The following MTMR14 variants were observed in gnomAD, a reference collection of about 807,000 sequenced individuals.
MTMR14 encodes the protein phosphatidylinositol-3,5-bisphosphate 3-phosphatase MTMR14.
MTMR14 carries 48 observed loss-of-function variants against 86.3 expected under a neutral mutation model. The observed-to-expected ratio is 0.56, with a 90% CI of 0.44 to 0.71. The LOEUF is 0.71. Among genes scored for constraint, MTMR14 ranks in the 30% least tolerant of loss-of-function variants. MTMR14 has a pLI of 0.00. For synonymous variants in MTMR14, 366 were observed against 326.1 expected, an observed-to-expected ratio of 1.12 and a Z score of -1.32; for missense variants, 780 against 834.6, an observed-to-expected ratio of 0.93 and a Z score of 0.81.
chr3:9,697,571 T>TA, intron 17 of MTMR14, 140 bp from the exon 18 acceptor site: 1 of 993,636 alleles, frequency 1.0e-6, no homozygotes, highest in East Asian at 2.4e-5. Flanking sequence ...TGTCCAGCTT[T>TA]TTTTTTTAGA....
In MTMR14 at chr3:9,688,994, G is replaced by C; in HGVS notation, c.1345G>C (p.Val449Leu). 1 of 1,613,982 alleles carries C rather than the reference G, an allele frequency of 6.2e-7. No individual in the cohort carries two copies. Among genetic ancestry groups the C allele is most frequent in the Non-Finnish European group, 8.5e-7 (1 of 1,180,024 alleles). The change falls in exon 16 of 19, where the codon GTC (valine) becomes CTC (leucine). Residue 449 changes from valine (V) to leucine (L), a missense_variant. Coordinates refer to ENST00000296003, the MANE Select transcript of MTMR14 (RefSeq NM_001077525.3). ...CAGCCTTGGCAGCGACTTCTCCCTGGTCATGGAGAGTTCCCCAGGAGCCAC... is the reference window on the plus strand; with the variant it reads ...CAGCCTTGGCAGCGACTTCTCCCTGCTCATGGAGAGTTCCCCAGGAGCCAC... The part of the protein sequence containing the change: ...TTSLGSDFSL[V>L]MESSPGATGS...
At chr3:9,669,397 C>T (rs757509865) in intron 4 of MTMR14, 35 bp from the exon 5 acceptor site, 9 of 1,611,264 alleles carry the variant, frequency 5.6e-6, no homozygotes, top group Non-Finnish European at 7.6e-6. Context: ...CCTGGGTCAC[C>T]AGCCTCAGTA....
intron 5 of MTMR14, 44 bp from the exon 6 acceptor site, chr3:9,671,000 TGTGA>T: frequency 6.2e-7 from 1 of 1,613,178 alleles, no homozygotes; most frequent in Admixed American, 1.7e-5. Context: ...CCCAAGCTCC[TGTGA>T]GTGAACATGC....
chr3:9,689,891 A>C, intron 16 of MTMR14, 73 bp from the exon 17 acceptor site: 1 of 1,459,554 alleles, frequency 6.9e-7, no homozygotes, highest in South Asian at 1.2e-5. Context: ...CTAGGCCTGA[A>C]ATTCAGTGAG....
At chr3:9,666,613 C>G (rs2048266442) in intron 3 of MTMR14, among the ~76,000 whole-genome samples, 4 of 152,168 alleles carry the variant, frequency 2.6e-5, no homozygotes, top group Non-Finnish European at 5.9e-5. Context: ...AAACTCAGTT[C>G]AAGCATTGAA....
chr3:9,662,442 A>T (rs2047995873), intron 3 of MTMR14, 67 bp downstream of exon 3: 1 of 1,356,542 alleles, frequency 7.4e-7, no homozygotes, highest in East Asian at 2.3e-5. Context: ...ACTGCAAAGT[A>T]TAGGGTCTTT....
Position 9,684,950 on chromosome 3 carries a change from C to T in MTMR14, c.1113C>T (p.Asp371=), listed in dbSNP as rs2075889108. The change falls in exon 12 of 19, where the codon GAC becomes GAT. Residue 371 remains aspartate (D), a synonymous_variant. Coordinates refer to ENST00000296003, the MANE Select transcript of MTMR14 (RefSeq NM_001077525.3). ...TEILYLTVAY[D]WFLFGHMLVD... is the part of the protein sequence containing the mutation. ...TCCTCTACCTCACTGTGGCCTATGA[C>T]TGGTTCCTCTTCGGGTAAGCCTTTG... is the stretch of plus-strand genomic sequence containing the variant. 4 of 1,614,182 alleles carry T rather than the reference C, an allele frequency of 2.5e-6. No individual in the cohort carries two copies. The highest frequency in any genetic ancestry group is 3.4e-6 in the Non-Finnish European group (4 of 1,180,020).
rs1575108774 is a variant in MTMR14 at position 9,702,284 on chromosome 3, A to G, written c.*311A>G. 4 of 458,126 alleles carry G rather than the reference A, an allele frequency of 8.7e-6. No homozygotes were observed. The highest frequency in any genetic ancestry group is 5.9e-5 in the African/African-American group (3 of 50,568). The allele number at this position is 458,126 out of a possible 1,614,324, so 28.4% of individuals were successfully genotyped here. On this transcript the variant is annotated 3_prime_UTR_variant, in exon 19 of 19. Coordinates refer to ENST00000296003, the MANE Select transcript of MTMR14 (RefSeq NM_001077525.3). ...GCCTTGTGGAAGCCATGACTTCACAAAGACCCTACCTGTCAGTTCTTGTTT... is the reference window on the plus strand; with the variant it reads ...GCCTTGTGGAAGCCATGACTTCACAGAGACCCTACCTGTCAGTTCTTGTTT...
chr3:9,654,257 T>G (rs1168507141), intron 2 of MTMR14, among the ~76,000 whole-genome samples: 1 of 152,244 alleles, frequency 6.6e-6, no homozygotes, highest in Non-Finnish European at 1.5e-5. Flanking sequence ...CTTAGTTTTC[T>G]TATTGGTAAT....
intron 2 of MTMR14, 29 bp downstream of exon 2, chr3:9,653,798 G>C (rs1013231331): frequency 1.2e-6 from 2 of 1,613,986 alleles, no homozygotes; most frequent in Admixed American, 3.3e-5. Flanking sequence ...TAGTGTACAT[G>C]TCTGGGGAGT....
At position 9,686,492 on chromosome 3, in the gene MTMR14, C is replaced by G. The variant is rs202183667; in HGVS notation, c.1164+1245C>G. On this transcript the variant is annotated intron_variant, in intron 13 of 18. Transcript: ENST00000296003. ...TCTTCAGGACCTTTCTGTTACCCCCCCCAGACAATCCAGACACTGATGCGT... is the reference window on the plus strand; with the variant it reads ...TCTTCAGGACCTTTCTGTTACCCCCGCCAGACAATCCAGACACTGATGCGT... 1.8e-4 allele frequency among the ~76,000 whole-genome samples: 28 copies of G among 152,298 alleles called. No individual in the cohort carries two copies. In the East Asian group the frequency reaches 3.9e-3, roughly 21 times the overall value.
Position 9,664,398 on chromosome 3 carries a change from A to G in MTMR14, c.417+2023A>G, listed in dbSNP as rs2125068633. ...TGGTGGCAGCATTATTACCAACAATACTTTAGGGACACCAACCTCTACCAG... is the reference window on the plus strand; with the variant it reads ...TGGTGGCAGCATTATTACCAACAATGCTTTAGGGACACCAACCTCTACCAG... On this transcript the variant is annotated intron_variant, in intron 3 of 18. Transcript: ENST00000296003. Among the ~76,000 whole-genome samples, 2 of 151,934 alleles carry G rather than the reference A, an allele frequency of 1.3e-5. 1 individual carries two copies. The highest frequency in any genetic ancestry group is 1.3e-4 in the Admixed American group (2 of 15,216).
chr3:9,665,813 C>T (rs567732176), intron 3 of MTMR14, among the ~76,000 whole-genome samples: 36 of 151,094 alleles, frequency 2.4e-4, no homozygotes, highest in South Asian at 4.2e-4. Flanking sequence ...ACTGCAAGCT[C>T]CGCCTCCCGG....
chr3:9,699,434 T>C (rs777823435), intron 18 of MTMR14: 1 of 152,224 alleles, frequency 6.6e-6, no homozygotes. Context: ...TTCCGTATGA[T>C]CTGAAGGCCT....
chr3:9,649,650 C>T lies in MTMR14; in HGVS notation c.67C>T (p.Pro23Ser). Reference protein sequence around the residue: ...AGSSASSGNQPPQELGLGELL... With the variant: ...AGSSASSGNQSPQELGLGELL... ...GTCCTCGGCCTCTTCAGGCAACCAG[C>T]CGCCTCAGGAGCTGGGGCTTGGGGA... Residue 23 changes from proline to serine, a missense_variant, in exon 1 of 19, where the codon CCG becomes TCG. Physicochemically the swap from Pro to Ser is moderately conservative, Grantham distance 74. Coordinates refer to ENST00000296003, the MANE Select transcript of MTMR14 (RefSeq NM_001077525.3). The T allele has an allele frequency of 6.3e-7, 1 of 1,583,878 alleles. No homozygotes were observed. Among genetic ancestry groups the T allele is most frequent in the Non-Finnish European group, 8.6e-7 (1 of 1,165,870 alleles).
intron 7 of MTMR14, among the ~76,000 whole-genome samples, chr3:9,676,687 C>G (rs1460511565): frequency 6.6e-6 from 1 of 152,242 alleles, no homozygotes; most frequent in Non-Finnish European, 1.5e-5. Context: ...CCTATTCTCT[C>G]CAGTGTTTCT....
intron 10 of MTMR14, 122 bp from the exon 11 acceptor site, chr3:9,684,463 C>T: frequency 2.2e-6 from 2 of 904,486 alleles, no homozygotes; most frequent in Non-Finnish European, 1.9e-6. Flanking sequence ...GGGGAGGCCA[C>T]TGGGGAAGAC....
chr3:9,702,076 T>G lies in MTMR14; in HGVS notation c.*103T>G. ...AGGGGTACTTCCAGGTCAGGGGAAATTTCAGTCCCCCATCTCCATCATGAA... is the reference window on the plus strand; with the variant it reads ...AGGGGTACTTCCAGGTCAGGGGAAAGTTCAGTCCCCCATCTCCATCATGAA... On this transcript the variant is annotated 3_prime_UTR_variant, in exon 19 of 19. Coordinates refer to ENST00000296003, the MANE Select transcript of MTMR14 (RefSeq NM_001077525.3). 1 of 1,451,060 alleles carries G rather than the reference T, an allele frequency of 6.9e-7. No homozygotes were observed. Among genetic ancestry groups the G allele is most frequent in the South Asian group, 1.2e-5 (1 of 86,294 alleles). 89.9% of individuals were successfully genotyped at this position (1,451,060 alleles called of 1,614,324 possible).
intron 5 of MTMR14, 94 bp downstream of exon 5, chr3:9,669,586 A>G: frequency 7.4e-7 from 1 of 1,350,412 alleles, no homozygotes; most frequent in Admixed American, 2.0e-5. Context: ...GGTATTTGTC[A>G]CTGGTTCAGG....
Sources: gnomAD v4.1 joint callset for allele counts (sites outside exome capture counted in the v4.1 genomes callset) on GRCh38, gnomAD v4.1.1 for gene constraint, MANE v1.5 for transcripts, NCBI Gene and HGNC (gene_info 2026-07-23, HGNC 2026-07-21) for gene names.